The following SHANK2 variants were observed in gnomAD, a reference collection of about 807,000 sequenced individuals.
SHANK2 encodes SH3 and multiple ankyrin repeat domains protein 2.
Under a neutral mutation model 133.7 loss-of-function variants are expected in SHANK2, and 43 were observed. The observed-to-expected ratio is 0.32, with a 90% CI of 0.25 to 0.41. SHANK2 has a LOEUF of 0.41. Among genes scored for constraint, SHANK2 ranks in the 10% least tolerant of loss-of-function variants. The pLI is 1.00. For missense variants in SHANK2, 1,994 were observed against 2,235.8 expected (o/e 0.89, Z 2.18); for synonymous variants, 1,017 against 952.8 (o/e 1.07, Z -1.24).
chr11:70,712,222 C>T (rs1245057979), intron 14 of SHANK2, among the ~76,000 whole-genome samples: 1 of 152,216 alleles, frequency 6.6e-6, no homozygotes, highest in Non-Finnish European at 1.5e-5. Flanking sequence ...GCATTGCATC[C>T]CTCTGACTCT....
At chr11:70,512,394 T>A (rs1328511032) in intron 17 of SHANK2, among the ~76,000 whole-genome samples, 1 of 152,220 alleles carries the variant, frequency 6.6e-6, no homozygotes, top group Non-Finnish European at 1.5e-5. Flanking sequence ...GATATCAAAA[T>A]TTTAACTAGA....
chr11:71,137,701 G>A (rs554975592), intron 3 of SHANK2, among the ~76,000 whole-genome samples: 4 of 152,284 alleles, frequency 2.6e-5, no homozygotes, highest in African/African-American at 9.6e-5. Context: ...ACCAGAACTG[G>A]CTTTCTACCT....
chr11:71,086,578 G>T (rs1951423313), intron 8 of SHANK2, among the ~76,000 whole-genome samples: 1 of 145,738 alleles, frequency 6.9e-6, no homozygotes, highest in Non-Finnish European at 1.5e-5. Flanking sequence ...ATTAGACTTG[G>T]AGTTAAGCAG....
At position 70,707,175 on chromosome 11, in the gene SHANK2, C is replaced by A. The variant is rs190985785; in HGVS notation, c.1778-8412G>T. 1.5e-3 allele frequency among the ~76,000 whole-genome samples: 226 copies of A among 151,848 alleles called. 2 individuals carry two copies. The highest frequency in any genetic ancestry group is 5.1e-3 in the African/African-American group (209 of 41,382). ...TCACCTGAGATCAGGAGTTCAAGAC[C>A]AGCCTGGTCAACACGGCAAAAACCC... On this transcript the variant is annotated intron_variant, in intron 14 of 25. Transcript: ENST00000601538.
At chr11:70,795,486 A>G (rs1555048966) in intron 14 of SHANK2, among the ~76,000 whole-genome samples, 1 of 143,878 alleles carries the variant, frequency 7.0e-6, no homozygotes, top group African/African-American at 2.6e-5. Context: ...GCTCACTGCA[A>G]CCTCCGCCTC....
At chr11:71,071,650 G>C (rs1180789950) in intron 9 of SHANK2, among the ~76,000 whole-genome samples, 2 of 152,214 alleles carry the variant, frequency 1.3e-5, no homozygotes, top group Admixed American at 1.3e-4. Context: ...GATCTTGAAG[G>C]ATGCATAGGA....
chr11:71,191,338 C>T (rs1555115389), intron 2 of SHANK2, among the ~76,000 whole-genome samples: 2 of 152,054 alleles, frequency 1.3e-5, no homozygotes, highest in Non-Finnish European at 2.9e-5. Context: ...CGTACAAAGC[C>T]CGGCAGACAG....
At chr11:70,918,315 C>T (rs1241828899) in intron 10 of SHANK2, among the ~76,000 whole-genome samples, 1 of 152,160 alleles carries the variant, frequency 6.6e-6, no homozygotes, top group Non-Finnish European at 1.5e-5. Flanking sequence ...CAGACGTGTA[C>T]CCTCTCCACG....
At chr11:70,592,554 C>T (rs1344930492) in intron 17 of SHANK2, among the ~76,000 whole-genome samples, 2 of 151,542 alleles carry the variant, frequency 1.3e-5, no homozygotes, top group East Asian at 2.0e-4. Flanking sequence ...ATCTCGGTGG[C>T]CCCCCTTCTG....
intron 11 of SHANK2, among the ~76,000 whole-genome samples, chr11:70,824,079 C>T (rs574025905): frequency 2.0e-5 from 3 of 147,876 alleles, no homozygotes; most frequent in South Asian, 2.4e-4. Flanking sequence ...ACAGAGGTGG[C>T]GTTGATGGAG....
chr11:71,111,304 A>G (rs1341585358), intron 5 of SHANK2, among the ~76,000 whole-genome samples: 1 of 151,978 alleles, frequency 6.6e-6, no homozygotes, highest in Non-Finnish European at 1.5e-5. Flanking sequence ...TACTTAACCC[A>G]CTTTGTGGTG....
At chr11:71,108,187 C>T (rs782251186) in intron 6 of SHANK2, among the ~76,000 whole-genome samples, 1 of 152,222 alleles carries the variant, frequency 6.6e-6, no homozygotes, top group Non-Finnish European at 1.5e-5. Context: ...ATGGAAAGGG[C>T]TCATGCCCTC....
intron 1 of SHANK2, among the ~76,000 whole-genome samples, chr11:71,241,129 C>G (rs782624579): frequency 1.3e-5 from 2 of 152,160 alleles, no homozygotes; most frequent in African/African-American, 4.8e-5. Flanking sequence ...GTGAAAGCCC[C>G]GGGCTAGGCA....
intron 11 of SHANK2, among the ~76,000 whole-genome samples, chr11:70,852,555 C>A (rs1316326307): frequency 6.6e-6 from 1 of 152,200 alleles, no homozygotes; most frequent in Non-Finnish European, 1.5e-5. Flanking sequence ...TCCTCAAGAT[C>A]CATGACTGGC....
chr11:70,480,418 C>G (rs1317417322), intron 25 of SHANK2, among the ~76,000 whole-genome samples: 1 of 152,218 alleles, frequency 6.6e-6, no homozygotes, highest in African/African-American at 2.4e-5. Context: ...TCCCGTGGCT[C>G]TCTTCTGCAC....
Position 70,471,424 on chromosome 11 carries a change from C to T in SHANK2, c.*1445G>A, listed in dbSNP as rs1591470142. 1 of 398,802 alleles carries T rather than the reference C, an allele frequency of 2.5e-6. No individual in the cohort carries two copies. The highest frequency in any genetic ancestry group is 3.6e-5 in the East Asian group (1 of 28,070). 24.7% of individuals were successfully genotyped at this position (398,802 alleles called of 1,614,324 possible). On this transcript the variant is annotated 3_prime_UTR_variant, in exon 26 of 26. Transcript: ENST00000601538. This position sits in a 1 kb window ranked among gnomAD's most constrained non-coding sequence, Gnocchi z 4.1. ...TTTGCGGCCCATGTGCATCTGGTGA[C>T]CTCTTTTGGAAATTCGAGGTATTGT...
At chr11:71,161,751 C>T (rs118012229) in intron 2 of SHANK2, among the ~76,000 whole-genome samples, 1,827 of 152,294 alleles carry the variant, frequency 0.012, 12 homozygotes, top group Non-Finnish European at 0.019. Flanking sequence ...ATAACTTCTA[C>T]CCCCTAAAAT....
At chr11:71,231,162 C>T (rs181312243) in intron 1 of SHANK2, among the ~76,000 whole-genome samples, 2 of 152,254 alleles carry the variant, frequency 1.3e-5, no homozygotes, top group African/African-American at 2.4e-5. Flanking sequence ...CTGCAAACCA[C>T]ATATTTAACA....
chr11:70,726,339 G>A (rs1040835292), intron 14 of SHANK2, among the ~76,000 whole-genome samples: 2 of 152,128 alleles, frequency 1.3e-5, no homozygotes, highest in Admixed American at 6.5e-5. Flanking sequence ...CCACTAAAAG[G>A]AGCACCAGAA....
Sources: gnomAD v4.1 joint callset for allele counts (sites outside exome capture counted in the v4.1 genomes callset) on GRCh38, gnomAD v4.1.1 for gene constraint, Gnocchi (gnomAD v3.1) non-coding constraint, MANE v1.5 for transcripts, NCBI Gene and HGNC (gene_info 2026-07-23, HGNC 2026-07-21) for gene names.